The following FREM2 variants were observed in gnomAD, a reference collection of about 807,000 sequenced individuals.
The protein encoded by FREM2 is FRAS1-related extracellular matrix protein 2.
Under a neutral mutation model 219.9 loss-of-function variants are expected in FREM2, and 119 were observed. The observed-to-expected ratio is 0.54, with a 90% confidence interval of 0.47 to 0.63. The LOEUF is 0.63. Ranked by LOEUF, FREM2 falls within the 30% of genes least tolerant of loss-of-function variation. FREM2 has a pLI of 0.00. For missense variants in FREM2, 4,030 were observed against 3,993.6 expected (o/e 1.01, Z -0.25); for synonymous variants, 1,562 against 1,522.8 (o/e 1.03, Z -0.60).
intron 4 of FREM2, among the ~76,000 whole-genome samples, chr13:38,781,167 G>T (rs1374723312): frequency 1.3e-5 from 2 of 150,134 alleles, no homozygotes; most frequent in East Asian, 2.0e-4. Flanking sequence ...TGTCCAATTT[G>T]CTTCAAGCAC....
Position 38,783,148 on chromosome 13 carries a change from G to T in FREM2, c.5720G>T (p.Ser1907Ile), listed in dbSNP as rs1874183608. Reference protein sequence around the residue: ...VGELFIPIRRSGDVSQELMVV... With the variant: ...VGELFIPIRRIGDVSQELMVV... Reference sequence around the variant, plus strand: ...GAGCTGTTCATTCCCATCAGGAGGAGCGGAGATGTGAGCCAGGAGTTGATG... The same window carrying T: ...GAGCTGTTCATTCCCATCAGGAGGATCGGAGATGTGAGCCAGGAGTTGATG... Residue 1907 changes from serine (S) to isoleucine (I), a missense_variant, in exon 5 of 24, where the codon AGC becomes ATC. Physicochemically the swap from Ser to Ile is moderately radical, Grantham distance 142. Coordinates refer to ENST00000280481, the MANE Select transcript of FREM2 (RefSeq NM_207361.6). The T allele has an allele frequency of 3.1e-6, 5 of 1,614,070 alleles. No individual in the cohort carries two copies. The highest frequency in any genetic ancestry group is 4.2e-6 in the Non-Finnish European group (5 of 1,179,978).
Position 38,884,756 on chromosome 13 carries a change from G to C in FREM2, c.*3969G>C, listed in dbSNP as rs1268897408. On this transcript the variant is annotated 3_prime_UTR_variant, in exon 24 of 24. Transcript: ENST00000280481. The stretch of plus-strand genomic sequence containing the variant: ...ATTTAGCAGGAAACTATAAATACCA[G>C]TGCTATCACAGCCACACATACACAC... 6.6e-6 allele frequency: 1 copy of C among 152,038 alleles called. No homozygotes were observed. Among genetic ancestry groups the C allele is most frequent in the Non-Finnish European group, 1.5e-5 (1 of 67,974 alleles). 9.4% of individuals were successfully genotyped at this position (152,038 alleles called of 1,614,324 possible). A position where few individuals can be genotyped will look rare whatever the true frequency, so the allele number is the denominator to read the frequency against.
At chr13:38,769,193 AT>A (rs924776875) in intron 3 of FREM2, among the ~76,000 whole-genome samples, 15 of 152,032 alleles carry the variant, frequency 9.9e-5, no homozygotes, top group African/African-American at 2.9e-4. Context: ...AATGTTTCTT[AT>A]TTTTTTTATA....
chr13:38,827,674 TTAAG>T (rs1324847468), intron 6 of FREM2: 2 of 152,110 alleles, frequency 1.3e-5, no homozygotes, highest in African/African-American at 4.8e-5. Context: ...GCAGTAACTG[TTAAG>T]TAAGTTATAT....
chr13:38,845,964 C>T (rs1159822017), intron 6 of FREM2, among the ~76,000 whole-genome samples: 2 of 152,118 alleles, frequency 1.3e-5, no homozygotes, highest in African/African-American at 4.8e-5. Flanking sequence ...TTAGTAAAGT[C>T]TCACTTGGTA....
Position 38,691,390 on chromosome 13 carries a change from A to G in FREM2, c.4046A>G (p.His1349Arg). 9.9e-6 allele frequency: 16 copies of G among 1,614,132 alleles called. No individual in the cohort carries two copies. Among genetic ancestry groups the G allele is most frequent in the Non-Finnish European group, 1.3e-5 (15 of 1,179,966 alleles). ...TATATTATTCGTTATGGGCCAGGACATGGCTTATTACAGAGACGAAAACCT... is the reference window on the plus strand; with the variant it reads ...TATATTATTCGTTATGGGCCAGGACGTGGCTTATTACAGAGACGAAAACCT... ...LVYIIRYGPG[H>R]GLLQRRKPTG... The change falls in exon 1 of 24, where the codon CAT becomes CGT. Residue 1349 changes from histidine to arginine, a missense_variant. Physicochemically the swap from His to Arg is conservative, Grantham distance 29. This residue lies in a region of FREM2 where 3,102 missense variants were observed against 2,950.7 expected (regional missense o/e 1.05). Transcript: ENST00000280481.
At chr13:38,771,702 A>G (rs1198047028) in intron 4 of FREM2, among the ~76,000 whole-genome samples, 1 of 152,130 alleles carries the variant, frequency 6.6e-6, no homozygotes, top group East Asian at 1.9e-4. Flanking sequence ...GTTTATTTCA[A>G]GTCATGAAAA....
intron 4 of FREM2, among the ~76,000 whole-genome samples, chr13:38,770,637 C>T (rs1873623843): frequency 6.6e-6 from 1 of 152,118 alleles, no homozygotes; most frequent in Admixed American, 6.5e-5. Flanking sequence ...TATGTTTCCA[C>T]ATTTGTGGCA....
Position 38,805,079 on chromosome 13 carries a change from G to A in FREM2, c.6019+20271G>A, listed in dbSNP as rs564592298. ...TATATAAAAGCACTTTAAAAACCAA[G>A]CAAAAGAAAAATAAGAGTCATTGGC... On this transcript the variant is annotated intron_variant, in intron 6 of 23. Coordinates refer to ENST00000280481, the MANE Select transcript of FREM2 (RefSeq NM_207361.6). Among the ~76,000 whole-genome samples, 5 of 152,048 alleles carry A rather than the reference G, an allele frequency of 3.3e-5. No individual in the cohort carries two copies. In the East Asian group the frequency reaches 7.7e-4, roughly 24 times the overall value.
Position 38,851,052 on chromosome 13 carries a change from G to T in FREM2, c.6686G>T (p.Gly2229Val). Residue 2229 changes from glycine (G) to valine (V), a missense_variant, in exon 10 of 24, where the codon GGG becomes GTG. This residue lies in a region of FREM2 where 3,102 missense variants were observed against 2,950.7 expected (regional missense o/e 1.05). Coordinates refer to ENST00000280481, the MANE Select transcript of FREM2 (RefSeq NM_207361.6). Reference sequence around the variant, plus strand: ...ACTCCACAAAGCAACTCTCCCTTTGGGGCTGCAGTTGGTGAACAAAATGAA... The same window carrying T: ...ACTCCACAAAGCAACTCTCCCTTTGTGGCTGCAGTTGGTGAACAAAATGAA... ...LGTPQSNSPF[G>V]AAVGEQNETL... 1 of 1,613,980 alleles carries T rather than the reference G, an allele frequency of 6.2e-7. No individual in the cohort carries two copies. Among genetic ancestry groups the T allele is most frequent in the Non-Finnish European group, 8.5e-7 (1 of 1,179,978 alleles).
chr13:38,753,208 TA>T (rs1183179981), intron 2 of FREM2, among the ~76,000 whole-genome samples: 1 of 152,194 alleles, frequency 6.6e-6, no homozygotes, highest in Non-Finnish European at 1.5e-5. Context: ...AAAAATAATT[TA>T]AAAAATTATA....
chr13:38,864,579 T>C lies in FREM2; in HGVS notation c.7956T>C (p.Cys2652=), dbSNP rs779652093. The C allele has an allele frequency of 1.2e-6, 2 of 1,614,158 alleles. No individual in the cohort carries two copies. The highest frequency in any genetic ancestry group is 2.2e-5 in the South Asian group (2 of 91,086). Residue 2652 remains cysteine (C), a synonymous_variant, in exon 16 of 24, where the codon TGT becomes TGC. Coordinates refer to ENST00000280481, the MANE Select transcript of FREM2 (RefSeq NM_207361.6). ...ACATGTCAGAACTCCTTGCTGACTG[T>C]GGTGGCACCATTGGAACAGATGGAC... ...YYDMSELLAD[C]GGTIGTDGQV...
intron 16 of FREM2, among the ~76,000 whole-genome samples, chr13:38,867,220 G>T (rs1878002698): frequency 6.6e-6 from 1 of 152,152 alleles, no homozygotes; most frequent in Admixed American, 6.5e-5. Context: ...TGCAATATAA[G>T]AATTACAACA....
intron 2 of FREM2, among the ~76,000 whole-genome samples, chr13:38,759,888 G>T (rs897232542): frequency 1.3e-5 from 2 of 152,090 alleles, no homozygotes; most frequent in Admixed American, 6.5e-5. Flanking sequence ...TAGTAAATAA[G>T]GTATCTTTCT....
intron 2 of FREM2, among the ~76,000 whole-genome samples, chr13:38,701,846 A>C (rs998880847): frequency 2.6e-5 from 4 of 152,084 alleles, no homozygotes; most frequent in Non-Finnish European, 5.9e-5. Flanking sequence ...AAAAATTTAT[A>C]TTATGATTAT....
At chr13:38,829,873 G>A (rs1174073364) in intron 6 of FREM2, among the ~76,000 whole-genome samples, 1 of 151,856 alleles carries the variant, frequency 6.6e-6, no homozygotes, top group Admixed American at 6.6e-5. Flanking sequence ...TCAGTGATTT[G>A]CTCTCAAAAG....
At position 38,878,835 on chromosome 13, in the gene FREM2, A is replaced by C; in HGVS notation, c.8864A>C (p.Lys2955Thr). ...SLLYRFKIVD[K>T]AQPETQATSF... ...CACTTTCCTTACTGCTTAAAGGACAAAGCTCAGCCAGAGACACAAGCGACC... is the reference window on the plus strand; with the variant it reads ...CACTTTCCTTACTGCTTAAAGGACACAGCTCAGCCAGAGACACAAGCGACC... Residue 2955 changes from lysine (K) to threonine (T), a missense_variant, in exon 23 of 24, where the codon AAA becomes ACA. Lys to Thr is a moderately conservative substitution (Grantham distance 78). This residue lies in a region of FREM2 where 928 missense variants were observed against 1,042.9 expected (regional missense o/e 0.89). Transcript: ENST00000280481. 1 of 1,614,204 alleles carries C rather than the reference A, an allele frequency of 6.2e-7. No individual in the cohort carries two copies. The highest frequency in any genetic ancestry group is 8.5e-7 in the Non-Finnish European group (1 of 1,179,998).
intron 6 of FREM2, among the ~76,000 whole-genome samples, chr13:38,807,576 A>G (rs1282262225): frequency 2.0e-5 from 3 of 151,856 alleles, no homozygotes; most frequent in African/African-American, 2.4e-5. Context: ...TGGATGTTAT[A>G]TTAGCATATT....
intron 6 of FREM2, among the ~76,000 whole-genome samples, chr13:38,833,734 T>A (rs754487448): frequency 6.6e-6 from 1 of 152,198 alleles, no homozygotes; most frequent in South Asian, 2.1e-4. Flanking sequence ...ATGAAACTTC[T>A]TCATCTTCAA....
Sources: gnomAD v4.1 joint callset for allele counts (sites outside exome capture counted in the v4.1 genomes callset) on GRCh38, gnomAD v4.1.1 for gene constraint, gnomAD v4.1.1 regional missense constraint, MANE v1.5 for transcripts, NCBI Gene and HGNC (gene_info 2026-07-23, HGNC 2026-07-21) for gene names.